The following IFT25 variants were observed in gnomAD, a reference collection of about 807,000 sequenced individuals.
The protein encoded by IFT25 is intraflagellar transport 25.
chr1:53,929,880 A>G, the IFT25 span: 1 of 1,186,600 alleles, frequency 8.4e-7, no homozygotes, highest in Non-Finnish European at 1.1e-6. Context: ...CAGCAATAAA[A>G]CTGGATTCCA....
the IFT25 span, chr1:53,945,587 T>G: frequency 3.3e-5 from 5 of 152,886 alleles, no homozygotes; most frequent in Non-Finnish European, 7.3e-5. Flanking sequence ...GCGCCGGACC[T>G]TCCGGGCTCG....
At chr1:53,945,681 T>C in the IFT25 span, 1 of 147,150 alleles carries the variant, frequency 6.8e-6, no homozygotes, top group African/African-American at 2.6e-5. Flanking sequence ...GAGTCCGGGG[T>C]CGCGCGCGCT....
the IFT25 span, among the ~76,000 whole-genome samples, chr1:53,922,140 A>G: frequency 3.9e-5 from 6 of 152,192 alleles, no homozygotes; most frequent in African/African-American, 1.4e-4. Context: ...CACACCTGTA[A>G]TCCCAGCACT....
chr1:53,931,357 T>C, the IFT25 span, among the ~76,000 whole-genome samples: 1 of 152,234 alleles, frequency 6.6e-6, no homozygotes, highest in South Asian at 2.1e-4. Context: ...TAAGAAACTG[T>C]CAGCTTTCCA....
the IFT25 span, among the ~76,000 whole-genome samples, chr1:53,940,516 C>T: frequency 6.6e-6 from 1 of 151,948 alleles, no homozygotes; most frequent in Admixed American, 6.6e-5. Flanking sequence ...AAAAATACAT[C>T]AATTATTCCA....
chr1:53,928,528 A>G, the IFT25 span: 1 of 928,160 alleles, frequency 1.1e-6, no homozygotes, highest in Non-Finnish European at 1.7e-6. Flanking sequence ...TGAGATTATC[A>G]TGCACAGTGG....
chr1:53,917,952 CTTAA>C, the IFT25 span, among the ~76,000 whole-genome samples: 1 of 152,196 alleles, frequency 6.6e-6, no homozygotes, highest in Non-Finnish European at 1.5e-5. Context: ...GGCCCCTTTC[CTTAA>C]TTAACATTTT....
the IFT25 span, among the ~76,000 whole-genome samples, chr1:53,934,984 G>A: frequency 6.6e-6 from 1 of 152,164 alleles, no homozygotes; most frequent in African/African-American, 2.4e-5. Flanking sequence ...GGATGACAGA[G>A]CAAGACTCTG....
At chr1:53,931,063 C>T in the IFT25 span, among the ~76,000 whole-genome samples, 2 of 152,132 alleles carry the variant, frequency 1.3e-5, no homozygotes, top group South Asian at 4.1e-4. Context: ...AGAACATTTC[C>T]GTGACTCCAG....
the IFT25 span, among the ~76,000 whole-genome samples, chr1:53,915,177 A>G: frequency 2.6e-5 from 4 of 152,228 alleles, no homozygotes; most frequent in East Asian, 5.8e-4. Context: ...TCTTGAGAAT[A>G]TATGTGCCAG....
At chr1:53,926,673 T>G in the IFT25 span, among the ~76,000 whole-genome samples, 1 of 152,136 alleles carries the variant, frequency 6.6e-6, no homozygotes, top group Non-Finnish European at 1.5e-5. Context: ...TGTCTTTGAC[T>G]TACTGAAGAG....
the IFT25 span, among the ~76,000 whole-genome samples, chr1:53,926,746 G>A: frequency 6.6e-6 from 1 of 150,452 alleles, no homozygotes; most frequent in African/African-American, 2.5e-5. Flanking sequence ...TTAAAGAGAT[G>A]GGGTCTTGCT....
chr1:53,933,531 T>C, the IFT25 span, among the ~76,000 whole-genome samples: 1 of 152,340 alleles, frequency 6.6e-6, no homozygotes, highest in African/African-American at 2.4e-5. Flanking sequence ...GACATGAATA[T>C]AACTACAGCG....
chr1:53,918,942 A>C, the IFT25 span, among the ~76,000 whole-genome samples: 5 of 152,022 alleles, frequency 3.3e-5, no homozygotes, highest in African/African-American at 4.8e-5. Flanking sequence ...AGGTTCAAGT[A>C]ATTCTCCTGC....
At chr1:53,945,354 T>C in the IFT25 span, among the ~76,000 whole-genome samples, 1 of 152,192 alleles carries the variant, frequency 6.6e-6, no homozygotes, top group Non-Finnish European at 1.5e-5. Flanking sequence ...CGTGGGCTGG[T>C]AGTGGCGCTT....
At chr1:53,944,872 C>T in the IFT25 span, among the ~76,000 whole-genome samples, 2 of 152,180 alleles carry the variant, frequency 1.3e-5, no homozygotes, top group African/African-American at 4.8e-5. Context: ...CTCACATGCC[C>T]TTTGTGGTCC....
the IFT25 span, among the ~76,000 whole-genome samples, chr1:53,936,532 G>A: frequency 5.8e-3 from 884 of 152,210 alleles, 9 homozygotes; most frequent in African/African-American, 0.02. Context: ...TTTTAAATAC[G>A]AATTTATAGC....
At chr1:53,916,077 C>T in the IFT25 span, among the ~76,000 whole-genome samples, 4 of 151,018 alleles carry the variant, frequency 2.6e-5, no homozygotes, top group Non-Finnish European at 4.4e-5. Context: ...CCCAGCTACC[C>T]AGGAGGCTGA....
the IFT25 span, among the ~76,000 whole-genome samples, chr1:53,915,159 C>T: frequency 1.3e-5 from 2 of 152,238 alleles, no homozygotes; most frequent in South Asian, 4.1e-4. Flanking sequence ...ATTCAGTCAA[C>T]AGATATTTCT....
Sources: allele counts gnomAD v4.1 joint callset (sites outside exome capture counted in the v4.1 genomes callset), GRCh38; gene constraint gnomAD v4.1.1; transcripts MANE v1.5; gene names NCBI Gene and HGNC (gene_info 2026-07-23, HGNC 2026-07-21).